The following CTIF variants were observed in gnomAD, a reference collection of about 807,000 sequenced individuals.
The protein encoded by CTIF is CBP80/20-dependent translation initiation factor.
A neutral mutation model predicts 66.0 loss-of-function variants in CTIF; 21 were observed. That is an observed-to-expected ratio of 0.32 (90% CI 0.23 to 0.46). The LOEUF (loss-of-function observed/expected upper bound fraction) is 0.46. CTIF is among the 20% of genes least tolerant of loss of function. The pLI is 1.00. For synonymous variants in CTIF, 345 were observed against 326.4 expected, an observed-to-expected ratio of 1.06 and a Z score of -0.62; for missense variants, 739 against 812.7, an observed-to-expected ratio of 0.91 and a Z score of 1.10.
intron 10 of CTIF, among the ~76,000 whole-genome samples, chr18:48,837,103 C>T (rs2146507450): frequency 6.6e-6 from 1 of 152,312 alleles, no homozygotes; most frequent in Non-Finnish European, 1.5e-5. Flanking sequence ...GACTGGGGAC[C>T]TCATCTTTCT....
chr18:48,842,279 G>T (rs2068962811), intron 10 of CTIF, among the ~76,000 whole-genome samples: 1 of 152,118 alleles, frequency 6.6e-6, no homozygotes, highest in African/African-American at 2.4e-5. Flanking sequence ...AACGAGGGTG[G>T]TGGGGCCTGA....
At chr18:48,652,066 T>G (rs1027287692) in intron 3 of CTIF, among the ~76,000 whole-genome samples, 1 of 151,892 alleles carries the variant, frequency 6.6e-6, no homozygotes, top group Non-Finnish European at 1.5e-5. Context: ...ACATCACAAT[T>G]AAAAGAACTA....
At chr18:48,691,385 A>G (rs2091923129) in intron 6 of CTIF, among the ~76,000 whole-genome samples, 1 of 152,144 alleles carries the variant, frequency 6.6e-6, no homozygotes, top group South Asian at 2.1e-4. Context: ...TATTTGCTGA[A>G]GGGCTTTGTA....
intron 3 of CTIF, chr18:48,661,985 A>G (rs1338935338): frequency 6.6e-6 from 1 of 152,372 alleles, no homozygotes. Context: ...CCTGCCATCA[A>G]GGGCCCGCTA....
chr18:48,627,701 A>G (rs2090627722), intron 2 of CTIF, among the ~76,000 whole-genome samples: 1 of 149,686 alleles, frequency 6.7e-6, no homozygotes, highest in African/African-American at 2.5e-5. Context: ...CCTGGGCAAG[A>G]GAGTGAGACC....
intron 9 of CTIF, among the ~76,000 whole-genome samples, chr18:48,792,968 G>C (rs2067827077): frequency 6.6e-6 from 1 of 152,186 alleles, no homozygotes; most frequent in Non-Finnish European, 1.5e-5. Flanking sequence ...GGTGCTATTA[G>C]GTGGTATTTA....
intron 6 of CTIF, among the ~76,000 whole-genome samples, chr18:48,708,705 G>A (rs528672960): frequency 3.3e-5 from 5 of 152,174 alleles, no homozygotes; most frequent in East Asian, 1.9e-4. Flanking sequence ...CTCATTTTTC[G>A]CCTCACTATA....
chr18:48,618,626 G>T (rs1348956208), intron 1 of CTIF, among the ~76,000 whole-genome samples: 1 of 152,210 alleles, frequency 6.6e-6, no homozygotes, highest in Non-Finnish European at 1.5e-5. Context: ...AGCTTCGGGG[G>T]ATAAGCAAGG....
At chr18:48,716,307 A>T (rs1598916363) in intron 7 of CTIF, among the ~76,000 whole-genome samples, 3 of 152,360 alleles carry the variant, frequency 2.0e-5, no homozygotes, top group Admixed American at 2.0e-4. Context: ...ACTGTCAGTC[A>T]TCCACGTGTT....
chr18:48,690,719 G>A (rs564789944), intron 6 of CTIF, among the ~76,000 whole-genome samples: 4 of 151,814 alleles, frequency 2.6e-5, no homozygotes, highest in Admixed American at 2.0e-4. Flanking sequence ...TCCCAGAGCC[G>A]GAACACAGGA....
chr18:48,800,611 C>T (rs1046775145), intron 9 of CTIF, among the ~76,000 whole-genome samples: 1 of 152,248 alleles, frequency 6.6e-6, no homozygotes, highest in African/African-American at 2.4e-5. Flanking sequence ...CCCCACACAC[C>T]CATGTCCTTG....
At chr18:48,775,633 T>G (rs1910599962) in intron 9 of CTIF, among the ~76,000 whole-genome samples, 1 of 152,054 alleles carries the variant, frequency 6.6e-6, no homozygotes, top group Admixed American at 6.5e-5. Flanking sequence ...GCCTGACACA[T>G]AAAGGGGGGC....
Position 48,758,059 on chromosome 18 carries a change from A to G in CTIF, c.725A>G (p.His242Arg), listed in dbSNP as rs757229684. Residue 242 changes from histidine to arginine, a missense_variant, in exon 8 of 12, where the codon CAT becomes CGT. This residue lies in a region of CTIF where 529 missense variants were observed against 520.3 expected (regional missense o/e 1.02). Transcript: ENST00000256413. ...APHPSGRPTH[H>R]GYSQNRRWHH... is the part of the protein sequence containing the mutation. ...CACCCCTCAGGGAGGCCCACTCACC[A>G]TGGCTACAGCCAGAACCGGCGCTGG... is the stretch of plus-strand genomic sequence containing the variant. The G allele has an allele frequency of 6.2e-7, 1 of 1,614,032 alleles. No individual in the cohort carries two copies. The highest frequency in any genetic ancestry group is 1.3e-5 in the African/African-American group (1 of 75,014).
intron 7 of CTIF, among the ~76,000 whole-genome samples, chr18:48,750,405 CT>C (rs1468732015): frequency 6.6e-6 from 1 of 152,246 alleles, no homozygotes; most frequent in East Asian, 1.9e-4. Context: ...CCAAGAAAGC[CT>C]TTTTCCCTTG....
chr18:48,546,215 A>G (rs1230127376), intron 1 of CTIF, among the ~76,000 whole-genome samples: 2 of 152,178 alleles, frequency 1.3e-5, no homozygotes, highest in Admixed American at 6.5e-5. Context: ...TCTTCCTGCC[A>G]TACTTCATTT....
chr18:48,624,112 ACCCCTCCCCATGCTTGACACCACG>A (rs71165340), intron 2 of CTIF, among the ~76,000 whole-genome samples: 39 of 44,278 alleles, frequency 8.8e-4, no homozygotes, highest in African/African-American at 1.2e-3. Flanking sequence ...TTGACACCAC[ACCCCTCCCCATGCTTGACACCACG>A]CCCCTCCCCA....
chr18:48,585,202 G>A (rs539739535), intron 1 of CTIF, among the ~76,000 whole-genome samples: 1 of 152,372 alleles, frequency 6.6e-6, no homozygotes, highest in African/African-American at 2.4e-5. Context: ...TAAAAGTGCT[G>A]CATCTTCTTG....
At chr18:48,852,780 T>G (rs190842662) in intron 10 of CTIF, among the ~76,000 whole-genome samples, 27 of 152,336 alleles carry the variant, frequency 1.8e-4, no homozygotes, top group Non-Finnish European at 1.0e-4. Context: ...TGTGGTTATA[T>G]GTGTGGGATA....
chr18:48,689,081 G>A (rs1568137541), intron 6 of CTIF, among the ~76,000 whole-genome samples: 1 of 152,242 alleles, frequency 6.6e-6, no homozygotes, highest in African/African-American at 2.4e-5. Context: ...ATGCGGTGGT[G>A]TTTGGGGGCC....
Sources: gnomAD v4.1 joint callset for allele counts (sites outside exome capture counted in the v4.1 genomes callset) on GRCh38, gnomAD v4.1.1 for gene constraint, gnomAD v4.1.1 regional missense constraint, MANE v1.5 for transcripts, NCBI Gene and HGNC (gene_info 2026-07-23, HGNC 2026-07-21) for gene names.